NUP210L: variants seen among roughly 807,000 people sequenced by gnomAD.
The protein encoded by NUP210L is nucleoporin 210 like, also known as nuclear pore membrane glycoprotein 210-like.
In NUP210L, 74 loss-of-function variants were observed where a neutral mutation model predicts 208.5. The observed-to-expected ratio is 0.35, with a 90% CI of 0.29 to 0.43. NUP210L has a LOEUF of 0.43. Ranked by LOEUF, NUP210L falls within the 20% of genes least tolerant of loss-of-function variation. NUP210L has a pLI of 1.00. For synonymous variants in NUP210L, 780 were observed against 816.9 expected (o/e 0.95, Z 0.77); for missense variants, 1,843 against 2,289.4 (o/e 0.81, Z 3.98).
chr1:154,121,196 G>A (rs1167015105), intron 10 of NUP210L, among the ~76,000 whole-genome samples: 1 of 152,124 alleles, frequency 6.6e-6, no homozygotes, highest in Non-Finnish European at 1.5e-5. Flanking sequence ...CAACCAGTTG[G>A]TTACCTAAAG....
In NUP210L at chr1:154,085,358, T is replaced by A. The variant is rs180764057; in HGVS notation, c.2361+4063A>T. ...GAGCAAGACTCCATCTCAAAAAAAATAAATAAATAAAATAAAATAAAGAAA... is the reference window on the plus strand; with the variant it reads ...GAGCAAGACTCCATCTCAAAAAAAAAAAATAAATAAAATAAAATAAAGAAA... On this transcript the variant is annotated intron_variant, in intron 16 of 39. Transcript: ENST00000368559. Among the ~76,000 whole-genome samples, 378 of 150,006 alleles carry A rather than the reference T, an allele frequency of 2.5e-3. 2 individuals carry two copies. Among genetic ancestry groups the A allele is most frequent in the African/African-American group, 7.6e-3 (310 of 40,896 alleles).
chr1:154,022,675 CTTTTTT>C (rs375659718), intron 31 of NUP210L, among the ~76,000 whole-genome samples: 6 of 115,012 alleles, frequency 5.2e-5, no homozygotes, highest in African/African-American at 1.9e-4. Flanking sequence ...TAAGTCTGGT[CTTTTTT>C]TTTTTTTTTT....
intron 6 of NUP210L, among the ~76,000 whole-genome samples, chr1:154,136,647 G>A (rs1658559552): frequency 6.6e-6 from 1 of 150,934 alleles, no homozygotes; most frequent in South Asian, 2.1e-4. Context: ...TAGGCCAGGT[G>A]CGGTGGTTCA....
intron 25 of NUP210L, among the ~76,000 whole-genome samples, chr1:154,052,650 T>C (rs929833016): frequency 6.6e-6 from 1 of 152,220 alleles, no homozygotes; most frequent in Non-Finnish European, 1.5e-5. Context: ...CACTCTATGA[T>C]GCAGTTACAC....
intron 14 of NUP210L, among the ~76,000 whole-genome samples, 173 bp downstream of exon 14, chr1:154,099,825 G>A (rs1396536127): frequency 6.6e-6 from 1 of 152,186 alleles, no homozygotes; most frequent in Admixed American, 6.5e-5. Flanking sequence ...AAACTCCCTG[G>A]AGACTTAGGT....
intron 4 of NUP210L, 61 bp from the exon 5 acceptor site, chr1:154,140,013 C>G: frequency 7.6e-7 from 1 of 1,311,374 alleles, no homozygotes; most frequent in Non-Finnish European, 1.1e-6. Context: ...TTCCAAAAGT[C>G]CCTAAGAGAC....
chr1:154,022,233 A>G (rs1267882025), exon 32 of NUP210L: 2 of 1,614,028 alleles, frequency 1.2e-6, no homozygotes, highest in African/African-American at 1.3e-5. Context: ...ATAATCTGCC[A>G]TGCCTGGATG....
At chr1:153,995,050 T>C in intron 38 of NUP210L, 26 bp downstream of exon 38, 1 of 1,370,190 alleles carries the variant, frequency 7.3e-7, no homozygotes, top group Non-Finnish European at 1.0e-6. Flanking sequence ...TGTCAAAGTC[T>C]ATGTTATTGA....
intron 36 of NUP210L, 40 bp downstream of exon 36, chr1:154,001,695 C>T (rs371759737): frequency 6.3e-7 from 1 of 1,596,348 alleles, no homozygotes; most frequent in Non-Finnish European, 8.6e-7. Flanking sequence ...TTTTCAAATT[C>T]CTGATCTCTT....
At chr1:154,134,091 A>C (rs563147547) in intron 7 of NUP210L, among the ~76,000 whole-genome samples, 20 of 150,864 alleles carry the variant, frequency 1.3e-4, no homozygotes, top group African/African-American at 4.9e-4. Context: ...CGGAGGTGGG[A>C]GTGAGCAGAA....
chr1:153,995,307 A>G, intron 37 of NUP210L, 127 bp from the exon 38 acceptor site: 1 of 661,088 alleles, frequency 1.5e-6, no homozygotes, highest in South Asian at 1.9e-5. Flanking sequence ...GCTGGAGGGC[A>G]GTGGTGCGAT....
chr1:154,007,651 C>A (rs948909763), intron 35 of NUP210L, among the ~76,000 whole-genome samples: 2 of 148,724 alleles, frequency 1.3e-5, no homozygotes, highest in African/African-American at 5.0e-5. Flanking sequence ...CGGCTCACTG[C>A]AAGCTCCACC....
chr1:154,064,066 A>AT (rs1037648341), intron 17 of NUP210L, among the ~76,000 whole-genome samples: 12 of 151,166 alleles, frequency 7.9e-5, no homozygotes, highest in African/African-American at 2.9e-4. Flanking sequence ...ATATTTTATT[A>AT]TTTTTTAATA....
At chr1:154,057,700 G>T (rs1653942166) in intron 22 of NUP210L, among the ~76,000 whole-genome samples, 1 of 147,910 alleles carries the variant, frequency 6.8e-6, no homozygotes, top group Non-Finnish European at 1.5e-5. Context: ...ATGTGTGTGT[G>T]TGTGTGTGTG....
At chr1:154,030,122 C>A in intron 27 of NUP210L, 68 bp from the exon 28 acceptor site, 3 of 1,113,334 alleles carry the variant, frequency 2.7e-6, no homozygotes, top group Non-Finnish European at 2.4e-6. Context: ...TTTTTTTTCA[C>A]TTTTTTAATA....
At chr1:153,996,223 C>T (rs1415178465) in intron 37 of NUP210L, among the ~76,000 whole-genome samples, 4 of 151,718 alleles carry the variant, frequency 2.6e-5, no homozygotes, top group Non-Finnish European at 4.4e-5. Flanking sequence ...ACCCGGGAGG[C>T]GGAGCTAGCA....
chr1:154,100,313 T>C (rs1450504337), intron 13 of NUP210L, among the ~76,000 whole-genome samples, 170 bp from the exon 14 acceptor site: 2 of 151,582 alleles, frequency 1.3e-5, no homozygotes, highest in Admixed American at 6.6e-5. Context: ...TAGCCAGGCA[T>C]GGTGGCGTGC....
At chr1:154,055,973 C>T (rs1273578805) in intron 23 of NUP210L, among the ~76,000 whole-genome samples, 3 of 152,074 alleles carry the variant, frequency 2.0e-5, no homozygotes, top group East Asian at 1.9e-4. Context: ...GCAGGAGAAT[C>T]GCTTGAACCC....
At chr1:154,026,955 C>T (rs1651910981) in intron 29 of NUP210L, among the ~76,000 whole-genome samples, 1 of 151,452 alleles carries the variant, frequency 6.6e-6, no homozygotes, top group African/African-American at 2.4e-5. Context: ...TGGTGGCAGG[C>T]ACCTGTAATC....
Sources: allele counts gnomAD v4.1 joint callset (sites outside exome capture counted in the v4.1 genomes callset), GRCh38; gene constraint gnomAD v4.1.1; transcripts MANE v1.5; gene names NCBI Gene and HGNC (gene_info 2026-07-23, HGNC 2026-07-21).